KIAA1217: variants seen among roughly 807,000 people sequenced by gnomAD.
KIAA1217 encodes KIAA1217.
In KIAA1217, 88 loss-of-function variants were observed where a neutral mutation model predicts 163.9. The ratio of observed to expected loss-of-function variants is 0.54; its 90% CI spans 0.45 to 0.64. KIAA1217 has a LOEUF of 0.64. KIAA1217 is among the 30% of genes least tolerant of loss of function. The probability of loss-of-function intolerance (pLI) is 0.00; values close to 1 mark genes in which losing one functional copy is unlikely to be tolerated. For missense variants in KIAA1217, 2,372 were observed against 2,475.0 expected (o/e 0.96, Z 0.88); for synonymous variants, 903 against 923.1 (o/e 0.98, Z 0.39).
chr10:24,447,857 C>T (rs777214617), intron 5 of KIAA1217, among the ~76,000 whole-genome samples: 10 of 152,162 alleles, frequency 6.6e-5, no homozygotes, highest in South Asian at 2.1e-4. Flanking sequence ...CTGGGCTGAG[C>T]GCGGTGGCTC....
At position 23,964,859 on chromosome 10, in the gene KIAA1217, G is replaced by T. The variant is rs116119797; in HGVS notation, c.-320-42366G>T. 4.0e-3 allele frequency among the ~76,000 whole-genome samples: 607 copies of T among 152,266 alleles called. 4 individuals carry two copies. Among genetic ancestry groups the T allele is most frequent in the African/African-American group, 0.014 (574 of 41,554 alleles). On this transcript the variant is annotated intron_variant, in intron 1 of 18. Coordinates refer to the KIAA1217 transcript ENST00000376462. ...CGTGAGCCACCATGCCTGGCCAACA[G>T]TTGAATTCTTAATCCAGTGCCTTAG... is the stretch of plus-strand genomic sequence containing the variant.
chr10:23,875,383 C>T (rs1840639082), intron 1 of KIAA1217, among the ~76,000 whole-genome samples: 1 of 151,942 alleles, frequency 6.6e-6, no homozygotes, highest in Admixed American at 6.6e-5. Flanking sequence ...GAATATAACC[C>T]TTGACAAGCT....
intron 1 of KIAA1217, among the ~76,000 whole-genome samples, chr10:23,910,302 AAAAG>A (rs1196453517): frequency 6.6e-6 from 1 of 152,120 alleles, no homozygotes; most frequent in Non-Finnish European, 1.5e-5. Flanking sequence ...GTATAAAAAA[AAAAG>A]AAAAGAAAAG....
At chr10:24,251,724 G>A (rs1323875828) in intron 2 of KIAA1217, among the ~76,000 whole-genome samples, 1 of 151,988 alleles carries the variant, frequency 6.6e-6, no homozygotes, top group South Asian at 2.1e-4. Context: ...CCTTTCCTAG[G>A]GGCACTGTGG....
chr10:23,697,051 T>C (rs1327464319), intron 1 of KIAA1217, among the ~76,000 whole-genome samples: 1 of 152,224 alleles, frequency 6.6e-6, no homozygotes, highest in African/African-American at 2.4e-5. Context: ...GTTTGTTTTC[T>C]ATCTTTATGC....
intron 1 of KIAA1217, among the ~76,000 whole-genome samples, chr10:23,883,480 G>C (rs1841040739): frequency 6.6e-6 from 1 of 151,922 alleles, no homozygotes; most frequent in Non-Finnish European, 1.5e-5. Context: ...TTATATTTTA[G>C]AGCAGCTTTA....
intron 1 of KIAA1217, among the ~76,000 whole-genome samples, chr10:23,778,920 G>A (rs1187782364): frequency 6.6e-6 from 1 of 151,982 alleles, no homozygotes; most frequent in Non-Finnish European, 1.5e-5. Context: ...CATTCATTTA[G>A]CTGTTGAATG....
chr10:24,211,571 TATTGTATTGTATTG>T lies in KIAA1217; in HGVS notation c.70+2309_70+2322del, dbSNP rs2068115516. 2.8e-5 allele frequency among the ~76,000 whole-genome samples: 4 copies of T among 143,944 alleles called. 1 individual carries two copies. Among genetic ancestry groups the T allele is most frequent in the African/African-American group, 1.0e-4 (4 of 38,394 alleles). The allele number at this position is 143,944 out of a possible 152,430, so 94.4% of individuals were successfully genotyped here. ...TATTGTATTGTATTGTATTGTATTG[TATTGTATTGTATTG>T]TATTGTATTTTATTTTATTTTAGAG... On this transcript the variant is annotated intron_variant, in intron 1 of 20. Coordinates refer to ENST00000376454, the MANE Select transcript of KIAA1217 (RefSeq NM_019590.5).
chr10:24,226,733 C>T (rs545066880), intron 2 of KIAA1217, among the ~76,000 whole-genome samples: 4 of 152,188 alleles, frequency 2.6e-5, no homozygotes, highest in African/African-American at 7.2e-5. Flanking sequence ...AAATAGATTC[C>T]TATCTGTATT....
chr10:24,453,281 C>A (rs2061522812), intron 5 of KIAA1217, among the ~76,000 whole-genome samples: 1 of 152,098 alleles, frequency 6.6e-6, no homozygotes, highest in Admixed American at 6.6e-5. Context: ...TATTTGACTT[C>A]TCTTAGCCAT....
At chr10:24,235,082 C>G (rs1321016736) in intron 2 of KIAA1217, among the ~76,000 whole-genome samples, 1 of 152,128 alleles carries the variant, frequency 6.6e-6, no homozygotes, top group Non-Finnish European at 1.5e-5. Flanking sequence ...ATTCCTTTTT[C>G]TTTGGGGGAC....
At chr10:24,015,821 T>TTACGTTTTAAGA (rs998882911) in intron 2 of KIAA1217, among the ~76,000 whole-genome samples, 3 of 151,558 alleles carry the variant, frequency 2.0e-5, no homozygotes, top group African/African-American at 7.3e-5. Context: ...AAAATCCACT[T>TTACGTTTTAAGA]CCATTTTAAG....
chr10:23,754,454 G>A lies in KIAA1217; in HGVS notation c.-321+59220G>A, dbSNP rs546420872. On this transcript the variant is annotated intron_variant, in intron 1 of 18. Coordinates refer to the KIAA1217 transcript ENST00000376462. ...AGAGTTTTACAGGCTCTGCCCAGGAGCCTCTCTGGCATTTTCTCACACAGT... is the reference window on the plus strand; with the variant it reads ...AGAGTTTTACAGGCTCTGCCCAGGAACCTCTCTGGCATTTTCTCACACAGT... Among the ~76,000 whole-genome samples the A allele has an allele frequency of 1.6e-4, 24 of 152,286 alleles. No individual in the cohort carries two copies. The South Asian group carries it at 2.9e-3, about 18-fold the overall frequency.
chr10:24,546,012 C>T lies in KIAA1217; in HGVS notation c.5520C>T (p.Leu1840=). ...AACCATCGATTGCTTCTAACCCTCT[C>T]AGCCCCCAAACAGGACCACCTGCTC... The part of the protein sequence containing the change: ...ATKPSIASNP[L]SPQTGPPAHS... The change falls in exon 21 of 21, where the codon CTC becomes CTT. Residue 1840 remains leucine, a synonymous_variant. Transcript: ENST00000376454. 1.2e-6 allele frequency: 2 copies of T among 1,614,206 alleles called. No individual in the cohort carries two copies. The highest frequency in any genetic ancestry group is 1.7e-6 in the Non-Finnish European group (2 of 1,180,036).
intron 1 of KIAA1217, among the ~76,000 whole-genome samples, chr10:23,811,849 G>C (rs923379007): frequency 2.6e-5 from 4 of 152,122 alleles, no homozygotes; most frequent in African/African-American, 9.7e-5. Flanking sequence ...TGTGCCATAT[G>C]CTTTCTGAGA....
chr10:24,086,570 T>G (rs56234715), intron 2 of KIAA1217, among the ~76,000 whole-genome samples: 3 of 152,190 alleles, frequency 2.0e-5, no homozygotes, highest in African/African-American at 7.2e-5. Flanking sequence ...GAAGAAAGCT[T>G]TAGTTTCATA....
chr10:24,229,711 G>T (rs1001178911), intron 2 of KIAA1217, among the ~76,000 whole-genome samples: 2 of 152,014 alleles, frequency 1.3e-5, no homozygotes, highest in Admixed American at 6.6e-5. Context: ...TAGAGACAAG[G>T]TTTCACCATA....
chr10:24,255,388 T>C (rs1162670176), intron 2 of KIAA1217: 2 of 334,886 alleles, frequency 6.0e-6, no homozygotes, highest in Admixed American at 3.7e-5. Context: ...GCTGGGAGAA[T>C]GGACGAGCTG....
intron 1 of KIAA1217, among the ~76,000 whole-genome samples, chr10:23,771,015 G>C (rs1834771887): frequency 6.6e-6 from 1 of 152,050 alleles, no homozygotes; most frequent in Non-Finnish European, 1.5e-5. Context: ...TCATCACCTT[G>C]ATACAAGTCA....
Sources: gnomAD v4.1 joint callset for allele counts (sites outside exome capture counted in the v4.1 genomes callset) on GRCh38, gnomAD v4.1.1 for gene constraint, MANE v1.5 for transcripts, NCBI Gene and HGNC (gene_info 2026-07-23, HGNC 2026-07-21) for gene names.